Variants in CACNG2 observed in about 807,000 individuals in gnomAD.
The protein encoded by CACNG2 is voltage-dependent calcium channel gamma-2 subunit.
A neutral mutation model predicts 25.9 loss-of-function variants in CACNG2; 3 were observed. That is an observed-to-expected ratio of 0.12 (90% CI 0.05 to 0.30). The LOEUF (loss-of-function observed/expected upper bound fraction) is 0.30, where lower values mean the gene tolerates loss of function less well. CACNG2 is among the 10% of genes least tolerant of loss of function. CACNG2 has a pLI of 1.00. For synonymous variants in CACNG2, 167 were observed against 173.3 expected, an observed-to-expected ratio of 0.96 and a Z score of 0.29; for missense variants, 341 against 432.5, an observed-to-expected ratio of 0.79 and a Z score of 1.88.
chr22:36,659,129 T>C (rs959605634), intron 1 of CACNG2, among the ~76,000 whole-genome samples: 1 of 152,144 alleles, frequency 6.6e-6, no homozygotes, highest in African/African-American at 2.4e-5. Context: ...AAATACCAAC[T>C]GCTTCCCGCT....
At chr22:36,629,606 A>G (rs936559393) in intron 1 of CACNG2, among the ~76,000 whole-genome samples, 3 of 152,058 alleles carry the variant, frequency 2.0e-5, no homozygotes, top group Non-Finnish European at 2.9e-5. Flanking sequence ...CTTGAAGGAC[A>G]TGAAGGAGTT....
At chr22:36,700,321 C>A (rs961286420) in intron 1 of CACNG2, among the ~76,000 whole-genome samples, 1 of 152,172 alleles carries the variant, frequency 6.6e-6, no homozygotes, top group Non-Finnish European at 1.5e-5. Context: ...ACGAGTGATA[C>A]AAAGCTACCT....
chr22:36,680,190 C>G (rs1362079339), intron 1 of CACNG2, among the ~76,000 whole-genome samples: 1 of 151,322 alleles, frequency 6.6e-6, no homozygotes, highest in African/African-American at 2.4e-5. Flanking sequence ...CCACCACCAT[C>G]ACTACCACCA....
In CACNG2 at chr22:36,637,627, G is replaced by A. The variant is rs114627764; in HGVS notation, c.212-50079C>T. ...CAATGACAATCGTCCTGGGGAGGCT[G>A]ATTCTCTTATTTTCCAGTTGAAGAA... On this transcript the variant is annotated intron_variant, in intron 1 of 3. Coordinates refer to ENST00000300105, the MANE Select transcript of CACNG2 (RefSeq NM_006078.5). 3.5e-3 allele frequency among the ~76,000 whole-genome samples: 528 copies of A among 152,236 alleles called. 1 individual carries two copies. Among genetic ancestry groups the A allele is most frequent in the African/African-American group, 0.012 (504 of 41,536 alleles).
intron 1 of CACNG2, among the ~76,000 whole-genome samples, chr22:36,687,826 A>C (rs1937221127): frequency 6.6e-6 from 1 of 152,248 alleles, no homozygotes; most frequent in Non-Finnish European, 1.5e-5. Context: ...AGATAGAGGA[A>C]GTGGCTACAG....
chr22:36,691,728 AT>A (rs1173672905), intron 1 of CACNG2, among the ~76,000 whole-genome samples: 1 of 152,218 alleles, frequency 6.6e-6, no homozygotes, highest in Non-Finnish European at 1.5e-5. Context: ...CACAGCACAT[AT>A]CTTCAGAATT....
Position 36,613,151 on chromosome 22 carries a change from G to GCT in CACNG2, c.212-25605_212-25604dup, listed in dbSNP as rs372007467. Among the ~76,000 whole-genome samples, 1,278 of 146,362 alleles carry GCT rather than the reference G, an allele frequency of 8.7e-3. 24 individuals carry two copies. The highest frequency in any genetic ancestry group is 0.053 in the South Asian group (233 of 4,398). On this transcript the variant is annotated intron_variant, in intron 1 of 3. Coordinates refer to ENST00000300105, the MANE Select transcript of CACNG2 (RefSeq NM_006078.5). The stretch of plus-strand genomic sequence containing the variant: ...TTTCCAAAAGTTCATTTCATTACAG[G>GCT]CTCTCTGTGTGTGTGTGTGTGTGTG...
intron 2 of CACNG2, among the ~76,000 whole-genome samples, chr22:36,578,553 T>A (rs1479696695): frequency 6.6e-6 from 1 of 152,154 alleles, no homozygotes; most frequent in Non-Finnish European, 1.5e-5. Flanking sequence ...ATTCAGGCCC[T>A]TTTATTCTAA....
At chr22:36,581,050 C>G (rs754640226) in intron 2 of CACNG2, among the ~76,000 whole-genome samples, 3 of 152,172 alleles carry the variant, frequency 2.0e-5, no homozygotes, top group Non-Finnish European at 4.4e-5. Context: ...AGTCACACCC[C>G]GGTCACCACA....
At chr22:36,618,374 C>G (rs1936054132) in intron 1 of CACNG2, among the ~76,000 whole-genome samples, 2 of 119,626 alleles carry the variant, frequency 1.7e-5, no homozygotes, top group Admixed American at 1.8e-4. Context: ...TCCTTGCTGC[C>G]CTTACATGAG....
At chr22:36,573,387 G>A (rs2145911393) in intron 2 of CACNG2, among the ~76,000 whole-genome samples, 1 of 152,282 alleles carries the variant, frequency 6.6e-6, no homozygotes, top group South Asian at 2.1e-4. Context: ...CTGGAGAGCA[G>A]TGGCGTGATC....
chr22:36,598,677 A>G (rs1360522650), intron 1 of CACNG2, among the ~76,000 whole-genome samples: 1 of 150,558 alleles, frequency 6.6e-6, no homozygotes, highest in African/African-American at 2.4e-5. Flanking sequence ...CAAACAAAAG[A>G]CACCTATTTG....
chr22:36,617,793 G>C (rs1373605361), intron 1 of CACNG2, among the ~76,000 whole-genome samples: 1 of 150,994 alleles, frequency 6.6e-6, no homozygotes, highest in Non-Finnish European at 1.5e-5. Context: ...TTGTTCACCT[G>C]TAGAATGGCA....
intron 2 of CACNG2, among the ~76,000 whole-genome samples, chr22:36,582,904 A>G (rs542368182): frequency 8.5e-5 from 13 of 152,108 alleles, no homozygotes; most frequent in Non-Finnish European, 1.3e-4. Context: ...AGGGGGGCCC[A>G]CTCCAGAAAG....
Position 36,564,563 on chromosome 22 carries a change from G to A in CACNG2, c.760C>T (p.Pro254Ser). The change falls in exon 4 of 4, where the codon CCC (proline) becomes TCC (serine). Residue 254 changes from proline to serine, a missense_variant. Pro to Ser is a moderately conservative substitution (Grantham distance 74). Coordinates refer to ENST00000300105, the MANE Select transcript of CACNG2 (RefSeq NM_006078.5). The surrounding 1 kb of genome is among the most constrained non-coding windows in gnomAD (Gnocchi z 6.7). Reference sequence around the variant, plus strand: ...GTGTTGAAGCCCTTGATGCCCACGGGGGAGGCGTCCCTGGAGTGTGAGGGC... The same window carrying A: ...GTGTTGAAGCCCTTGATGCCCACGGAGGAGGCGTCCCTGGAGTGTGAGGGC... ...TEPSHSRDAS[P>S]VGIKGFNTLP... 6.2e-7 allele frequency: 1 copy of A among 1,614,078 alleles called. No homozygotes were observed. The highest frequency in any genetic ancestry group is 8.5e-7 in the Non-Finnish European group (1 of 1,179,976).
intron 1 of CACNG2, among the ~76,000 whole-genome samples, chr22:36,610,649 C>T (rs912396311): frequency 6.6e-6 from 1 of 152,180 alleles, no homozygotes; most frequent in South Asian, 2.1e-4. Flanking sequence ...AGCCTGTCCA[C>T]AGAGAAGCAG....
At chr22:36,658,214 G>A (rs1936737219) in intron 1 of CACNG2, among the ~76,000 whole-genome samples, 1 of 152,196 alleles carries the variant, frequency 6.6e-6, no homozygotes, top group Admixed American at 6.5e-5. Context: ...ATGAACTTGA[G>A]TGGGGGCAGG....
At chr22:36,574,263 G>A (rs1011703967) in intron 2 of CACNG2, among the ~76,000 whole-genome samples, 2 of 152,234 alleles carry the variant, frequency 1.3e-5, no homozygotes, top group African/African-American at 2.4e-5. Context: ...GCAGCTGATC[G>A]GAGAGGAGTG....
At chr22:36,657,926 A>G (rs1358020995) in intron 1 of CACNG2, among the ~76,000 whole-genome samples, 1 of 152,056 alleles carries the variant, frequency 6.6e-6, no homozygotes, top group African/African-American at 2.4e-5. Flanking sequence ...CAAGCTCTCC[A>G]GAGTGTCTGA....
Sources: gnomAD v4.1 joint callset for allele counts (sites outside exome capture counted in the v4.1 genomes callset) on GRCh38, gnomAD v4.1.1 for gene constraint, Gnocchi (gnomAD v3.1) non-coding constraint, MANE v1.5 for transcripts, NCBI Gene and HGNC (gene_info 2026-07-23, HGNC 2026-07-21) for gene names.